Variants in RETREG3 observed in about 807,000 individuals in gnomAD.
RETREG3 encodes the protein reticulophagy regulator 3.
In RETREG3, 23 loss-of-function variants were observed where a neutral mutation model predicts 50.2. The ratio of observed to expected loss-of-function variants is 0.46; its 90% CI spans 0.33 to 0.65. The LOEUF (loss-of-function observed/expected upper bound fraction) is 0.65, where lower values mean the gene tolerates loss of function less well. Among genes scored for constraint, RETREG3 ranks in the 30% least tolerant of loss-of-function variants. The pLI, the probability that RETREG3 is intolerant of heterozygous loss-of-function variation, is 0.02. For synonymous variants in RETREG3, 240 were observed against 234.4 expected (o/e 1.02, Z -0.22); for missense variants, 546 against 598.0 (o/e 0.91, Z 0.91).
At chr17:42,585,323 A>C in intron 5 of RETREG3, 61 bp from the exon 6 acceptor site, 1 of 1,593,860 alleles carries the variant, frequency 6.3e-7, no homozygotes, top group South Asian at 1.1e-5. Context: ...AACATTCCCA[A>C]CTGTAGCGCT....
intron 1 of RETREG3, among the ~76,000 whole-genome samples, chr17:42,605,883 C>A (rs942363530): frequency 6.7e-6 from 1 of 149,156 alleles, no homozygotes; most frequent in African/African-American, 2.5e-5. Flanking sequence ...CCCAGCTACT[C>A]GGGAGGCTGG....
At chr17:42,597,976 G>GTTT (rs869196773) in intron 1 of RETREG3, among the ~76,000 whole-genome samples, 86 of 95,864 alleles carry the variant, frequency 9.0e-4, no homozygotes, top group African/African-American at 1.0e-3. Flanking sequence ...TTCCTCTGAA[G>GTTT]TTTTTTTTTT....
At chr17:42,594,577 C>T (rs2093139967) in intron 1 of RETREG3, among the ~76,000 whole-genome samples, 1 of 151,954 alleles carries the variant, frequency 6.6e-6, no homozygotes, top group South Asian at 2.1e-4. Context: ...GGCGCGGTGG[C>T]TCACGCCTGT....
chr17:42,591,164 T>A (rs1031661805), intron 2 of RETREG3, among the ~76,000 whole-genome samples: 4 of 152,226 alleles, frequency 2.6e-5, no homozygotes, highest in African/African-American at 9.6e-5. Context: ...TTTTTCTCAA[T>A]CTGTTCAAAT....
At chr17:42,604,266 G>A (rs538059377) in intron 1 of RETREG3, among the ~76,000 whole-genome samples, 1 of 152,086 alleles carries the variant, frequency 6.6e-6, no homozygotes, top group African/African-American at 2.4e-5. Flanking sequence ...TGAGACTAGT[G>A]ACTGCAAAAA....
At position 42,581,878 on chromosome 17, in the gene RETREG3, C is replaced by G; in HGVS notation, c.1336G>C (p.Asp446His). Residue 446 changes from aspartate to histidine, a missense_variant, in exon 9 of 9, where the codon GAC (aspartate) becomes CAC (histidine). By Grantham distance (81) the Asp-to-His change is moderately conservative (BLOSUM62 -1). Coordinates refer to ENST00000309428, the MANE Select transcript of RETREG3 (RefSeq NM_178126.4). ...SDLDTDAEGDDFELLDQSELS... is the reference protein window; with the variant it reads ...SDLDTDAEGDHFELLDQSELS... ...TCCGACTGGTCCAGAAGTTCAAAGTCATCCCCCTCAGCATCAGTGTCCAGG... is the reference window on the plus strand; with the variant it reads ...TCCGACTGGTCCAGAAGTTCAAAGTGATCCCCCTCAGCATCAGTGTCCAGG... 1 of 1,613,298 alleles carries G rather than the reference C, an allele frequency of 6.2e-7. No individual in the cohort carries two copies. The highest frequency in any genetic ancestry group is 8.5e-7 in the Non-Finnish European group (1 of 1,179,394).
chr17:42,582,530 T>C (rs2093111700), intron 8 of RETREG3, 144 bp downstream of exon 8: 12 of 1,297,932 alleles, frequency 9.2e-6, no homozygotes, highest in Non-Finnish European at 1.3e-5. Flanking sequence ...ATCCTGGCTG[T>C]AGCCACAGCA....
chr17:42,585,394 C>G, intron 5 of RETREG3, 132 bp from the exon 6 acceptor site: 1 of 1,293,170 alleles, frequency 7.7e-7, no homozygotes. Context: ...GTCTGCCAGT[C>G]ATCTTCACCA....
rs762241883 is a variant in RETREG3 at position 42,592,145 on chromosome 17, G to C, written c.257C>G (p.Ser86Cys). Reference protein sequence around the residue: ...NAAFWFFALTSLRLVFLLAFG... With the variant: ...NAAFWFFALTCLRLVFLLAFG... ...TGCAAGTAAAAACACAAGACGAAGA[G>C]ATGTCAGGGCAAAAAACCTACAGAG... Residue 86 changes from serine to cysteine, a missense_variant, in exon 2 of 9, where the codon TCT becomes TGT. Transcript: ENST00000309428. The C allele has an allele frequency of 5.6e-6, 9 of 1,613,544 alleles. No homozygotes were observed. In the East Asian group the frequency reaches 2.0e-4, roughly 36 times the overall value.
At chr17:42,595,643 A>G (rs976744184) in intron 1 of RETREG3, among the ~76,000 whole-genome samples, 1 of 150,324 alleles carries the variant, frequency 6.7e-6, no homozygotes, top group Non-Finnish European at 1.5e-5. Flanking sequence ...CCAGTCACCA[A>G]TGACAACCCT....
At position 42,609,285 on chromosome 17, in the gene RETREG3, C is replaced by G; in HGVS notation, c.40G>C (p.Ala14Pro). The change falls in exon 1 of 9, where the codon GCT becomes CCT. Residue 14 changes from alanine (A) to proline (P), a missense_variant. Physicochemically the swap from Ala to Pro is conservative, Grantham distance 27. Coordinates refer to ENST00000309428, the MANE Select transcript of RETREG3 (RefSeq NM_178126.4). The part of the protein sequence containing the change: ...AEGVPTTPGP[A>P]SGSTFRGRRD... ...CGGCCCCTGAAAGTCGACCCCGAAGCCGGGCCTGGGGTCGTGGGAACCCCT... is the reference window on the plus strand; with the variant it reads ...CGGCCCCTGAAAGTCGACCCCGAAGGCGGGCCTGGGGTCGTGGGAACCCCT... 1 of 1,603,700 alleles carries G rather than the reference C, an allele frequency of 6.2e-7. No homozygotes were observed. The highest frequency in any genetic ancestry group is 8.5e-7 in the Non-Finnish European group (1 of 1,179,738).
intron 4 of RETREG3, 85 bp downstream of exon 4, chr17:42,586,677 TGAA>T: frequency 6.6e-7 from 1 of 1,511,036 alleles, no homozygotes; most frequent in Non-Finnish European, 8.9e-7. Flanking sequence ...CTTTCTTGAA[TGAA>T]GACACATAGT....
chr17:42,599,384 G>A (rs2093154231), intron 1 of RETREG3, among the ~76,000 whole-genome samples: 1 of 152,194 alleles, frequency 6.6e-6, no homozygotes, highest in African/African-American at 2.4e-5. Flanking sequence ...GCTGGGCACA[G>A]TGGCTCATGC....
At chr17:42,583,377 T>A in intron 7 of RETREG3, 121 bp downstream of exon 7, 1 of 764,736 alleles carries the variant, frequency 1.3e-6, no homozygotes, top group Non-Finnish European at 2.0e-6. Flanking sequence ...TCTCTCCTTG[T>A]CTTGGGAACA....
intron 1 of RETREG3, among the ~76,000 whole-genome samples, chr17:42,596,359 C>CAAAAAAAA (rs60457978): frequency 2.2e-4 from 14 of 64,712 alleles, no homozygotes; most frequent in Admixed American, 4.9e-4. Context: ...GACCCTTTCT[C>CAAAAAAAA]AAAAAAAAAA....
chr17:42,586,284 T>C (rs2093121128), intron 4 of RETREG3, 147 bp from the exon 5 acceptor site: 2 of 706,428 alleles, frequency 2.8e-6, no homozygotes, highest in East Asian at 2.7e-5. Context: ...GTGATTCTGT[T>C]TGGGAAGAAA....
At chr17:42,595,666 C>G in intron 1 of RETREG3, among the ~76,000 whole-genome samples, 1 of 134,460 alleles carries the variant, frequency 7.4e-6, no homozygotes, top group Non-Finnish European at 1.6e-5. Flanking sequence ...TTCTTTCTTT[C>G]TTTTTTTTTT....
At chr17:42,609,419 C>T (rs971774745), upstream of RETREG3, 4 of 1,371,732 alleles carry the variant, frequency 2.9e-6, no homozygotes, top group Non-Finnish European at 3.0e-6. Context: ...GAGGTGGCTT[C>T]GCACCACAGC....
chr17:42,601,172 G>C (rs912854743), intron 1 of RETREG3, among the ~76,000 whole-genome samples: 4 of 152,162 alleles, frequency 2.6e-5, no homozygotes, highest in Non-Finnish European at 4.4e-5. Flanking sequence ...AGCTACTCAG[G>C]AGGCTGAGGC....
Sources: gnomAD v4.1 joint callset for allele counts (sites outside exome capture counted in the v4.1 genomes callset) on GRCh38, gnomAD v4.1.1 for gene constraint, MANE v1.5 for transcripts, NCBI Gene and HGNC (gene_info 2026-07-23, HGNC 2026-07-21) for gene names.